Variants in PLCB4 observed in about 807,000 individuals in gnomAD.
PLCB4 encodes the protein phospholipase C beta 4.
PLCB4 carries 77 observed loss-of-function variants against 178.8 expected under a neutral mutation model. The observed-to-expected ratio is 0.43, with a 90% confidence interval of 0.36 to 0.52. The LOEUF (loss-of-function observed/expected upper bound fraction) is 0.52. Among genes scored for constraint, PLCB4 ranks in the 20% least tolerant of loss-of-function variants. The pLI is 0.00. For synonymous variants in PLCB4, 496 were observed against 490.8 expected (o/e 1.01, Z -0.14); for missense variants, 1,024 against 1,453.4 (o/e 0.70, Z 4.80).
intron 3 of PLCB4, among the ~76,000 whole-genome samples, chr20:9,234,360 T>C (rs923118914): frequency 4.6e-5 from 7 of 152,066 alleles, no homozygotes; most frequent in Non-Finnish European, 1.0e-4. Context: ...TTAATGGAAA[T>C]AGAGACAGCC....
chr20:9,100,451 G>A (rs1424245244), intron 2 of PLCB4, among the ~76,000 whole-genome samples: 1 of 152,112 alleles, frequency 6.6e-6, no homozygotes, highest in Non-Finnish European at 1.5e-5. Context: ...GCAGCTCACT[G>A]TAACCTCAAA....
At chr20:9,333,547 A>T (rs1387062111) in intron 4 of PLCB4, among the ~76,000 whole-genome samples, 1 of 152,174 alleles carries the variant, frequency 6.6e-6, no homozygotes, top group African/African-American at 2.4e-5. Flanking sequence ...AGGATCCCAG[A>T]TCGTTCAGGA....
At chr20:9,235,044 AG>A (rs2093978644) in intron 3 of PLCB4, among the ~76,000 whole-genome samples, 1 of 152,172 alleles carries the variant, frequency 6.6e-6, no homozygotes, top group Admixed American at 6.6e-5. Context: ...GAATGAGGCA[AG>A]GGAGTGAAGA....
chr20:9,237,984 A>G (rs937080749), intron 3 of PLCB4, among the ~76,000 whole-genome samples: 4 of 152,190 alleles, frequency 2.6e-5, no homozygotes, highest in Non-Finnish European at 5.9e-5. Context: ...GCATGATGAA[A>G]GCAGTGCTCT....
rs145737915 is a variant in PLCB4, at chr20:9,154,891, C to T, written c.-79+58549C>T. Among the ~76,000 whole-genome samples the T allele has an allele frequency of 1.3e-4, 14 of 105,480 alleles. No homozygotes were observed. In the East Asian group the frequency reaches 3.8e-3, roughly 28 times the overall value. The allele number at this position is 105,480 out of a possible 152,430, so 69.2% of individuals were successfully genotyped here. A position where few individuals can be genotyped will look rare whatever the true frequency, so the allele number is the denominator to read the frequency against. On this transcript the variant is annotated intron_variant, in intron 2 of 39. Transcript: ENST00000378473. ...CCCTTCCTTCCTTCTTTCCTTCCCTCCTTCCCTCCTTCCCTCCTTCCTTCC... is the reference window on the plus strand; with the variant it reads ...CCCTTCCTTCCTTCTTTCCTTCCCTTCTTCCCTCCTTCCCTCCTTCCTTCC...
intron 38 of PLCB4, among the ~76,000 whole-genome samples, chr20:9,475,551 G>C (rs142431568): frequency 4.6e-5 from 7 of 152,150 alleles, no homozygotes; most frequent in African/African-American, 1.7e-4. Context: ...ACATGAAAAG[G>C]CTTGAGACCT....
intron 3 of PLCB4, among the ~76,000 whole-genome samples, chr20:9,229,741 A>T (rs1207137719): frequency 1.3e-5 from 2 of 151,988 alleles, no homozygotes; most frequent in African/African-American, 4.8e-5. Context: ...CAGGATGTGC[A>T]GGTCTGTTAC....
chr20:9,149,845 A>G (rs1486430540), intron 2 of PLCB4, among the ~76,000 whole-genome samples: 2 of 152,186 alleles, frequency 1.3e-5, no homozygotes, highest in Non-Finnish European at 2.9e-5. Flanking sequence ...TACTCTTCAG[A>G]TTAACATCTG....
intron 2 of PLCB4, among the ~76,000 whole-genome samples, chr20:9,115,512 T>A (rs1012065852): frequency 2.0e-5 from 3 of 151,398 alleles, no homozygotes; most frequent in African/African-American, 4.9e-5. Context: ...TGTGCCATGT[T>A]GTTGTGCTGC....
At chr20:9,298,586 C>A (rs77566365) in intron 3 of PLCB4, among the ~76,000 whole-genome samples, 9,553 of 152,034 alleles carry the variant, frequency 0.063, 590 homozygotes, top group African/African-American at 0.16. Context: ...TCATCTAATA[C>A]ATTTATAAAC....
chr20:9,404,215 G>T (rs1032299327), intron 20 of PLCB4, among the ~76,000 whole-genome samples: 1 of 152,172 alleles, frequency 6.6e-6, no homozygotes, highest in African/African-American at 2.4e-5. Context: ...GGGTGGGATT[G>T]CTGTGGTGCA....
chr20:9,452,860 A>C (rs966984355), intron 32 of PLCB4, among the ~76,000 whole-genome samples: 2 of 152,210 alleles, frequency 1.3e-5, no homozygotes, highest in Non-Finnish European at 2.9e-5. Context: ...AATGGCATTC[A>C]AGAGCTCCAA....
chr20:9,098,842 C>A (rs1429464324), intron 2 of PLCB4, among the ~76,000 whole-genome samples: 2 of 148,446 alleles, frequency 1.3e-5, no homozygotes, highest in Non-Finnish European at 3.0e-5. Flanking sequence ...TTACAATACT[C>A]CACAGCCTCC....
intron 17 of PLCB4, among the ~76,000 whole-genome samples, chr20:9,391,185 C>T (rs1029796873): frequency 1.3e-5 from 2 of 152,116 alleles, no homozygotes; most frequent in African/African-American, 4.8e-5. Flanking sequence ...CATGTTAAAC[C>T]TGCTAATTTC....
rs181312166 is a variant in PLCB4 at position 9,140,775 on chromosome 20, T to C, written c.-79+44433T>C. 1.8e-3 allele frequency among the ~76,000 whole-genome samples: 277 copies of C among 152,196 alleles called. 1 individual carries two copies. Among genetic ancestry groups the C allele is most frequent in the Non-Finnish European group, 3.4e-3 (232 of 67,988 alleles). On this transcript the variant is annotated intron_variant, in intron 2 of 39. Transcript: ENST00000378473. ...GAGACCTCACCAGAAGCTGGTGCCA[T>C]GTTTATACAGCCTGCGGAACCGTGA...
intron 3 of PLCB4, among the ~76,000 whole-genome samples, chr20:9,273,251 G>A (rs1250076571): frequency 6.6e-6 from 1 of 152,066 alleles, no homozygotes; most frequent in Non-Finnish European, 1.5e-5. Context: ...AGTATGTATC[G>A]AGCAACAATG....
At chr20:9,291,792 C>A (rs1339252939) in intron 3 of PLCB4, among the ~76,000 whole-genome samples, 2 of 152,030 alleles carry the variant, frequency 1.3e-5, no homozygotes, top group Non-Finnish European at 2.9e-5. Flanking sequence ...GGGGCAGTAC[C>A]CCTGTGTGGA....
chr20:9,238,412 C>A (rs925840464), intron 3 of PLCB4, among the ~76,000 whole-genome samples: 13 of 152,184 alleles, frequency 8.5e-5, no homozygotes, highest in Non-Finnish European at 1.3e-4. Flanking sequence ...GTTGACCCCC[C>A]CCCGAGGGAC....
chr20:9,393,825 G>A (rs1602340429), intron 18 of PLCB4, 147 bp downstream of exon 18: 1 of 482,838 alleles, frequency 2.1e-6, no homozygotes, highest in East Asian at 3.4e-5. Context: ...GAGCAAGATT[G>A]CCACATTTCC....
Sources: gnomAD v4.1 joint callset for allele counts (sites outside exome capture counted in the v4.1 genomes callset) on GRCh38, gnomAD v4.1.1 for gene constraint, MANE v1.5 for transcripts, NCBI Gene and HGNC (gene_info 2026-07-23, HGNC 2026-07-21) for gene names.